Variants in AK5 observed in about 807,000 individuals in gnomAD.
The protein encoded by AK5 is adenylate kinase 5.
Under a neutral mutation model 69.5 loss-of-function variants are expected in AK5, and 27 were observed. The ratio of observed to expected loss-of-function variants is 0.39; its 90% CI spans 0.29 to 0.54. The LOEUF (loss-of-function observed/expected upper bound fraction) is 0.54, where lower values mean the gene tolerates loss of function less well. AK5 is among the 20% of genes least tolerant of loss of function. The probability of loss-of-function intolerance (pLI) is 0.71; values close to 1 mark genes in which losing one functional copy is unlikely to be tolerated. For synonymous variants in AK5, 260 were observed against 244.4 expected (o/e 1.06, Z -0.60); for missense variants, 531 against 700.4 (o/e 0.76, Z 2.73).
At chr1:77,410,668 T>C (rs4949802) in intron 6 of AK5, among the ~76,000 whole-genome samples, 34,175 of 152,050 alleles carry the variant, frequency 0.22, 4,076 homozygotes, top group East Asian at 0.38. Flanking sequence ...TTTTTCAAAT[T>C]AGAAAAATGA....
chr1:77,451,653 A>G (rs1331029793), intron 8 of AK5, among the ~76,000 whole-genome samples: 2 of 152,238 alleles, frequency 1.3e-5, no homozygotes, highest in Non-Finnish European at 2.9e-5. Context: ...CTTAATAAAT[A>G]ATCTTGAATG....
rs753916010 is a variant in AK5, at chr1:77,391,495, G to GTA, written c.892-19454_892-19453dup. ...TATGTGTGTGTGTATGTGTGTGTGT[G>GTA]TATATATATATATATATATATATAT... On this transcript the variant is annotated intron_variant, in intron 6 of 13. Transcript: ENST00000354567. Among the ~76,000 whole-genome samples, 12 of 63,416 alleles carry GTA rather than the reference G, an allele frequency of 1.9e-4. 1 individual carries two copies. Among genetic ancestry groups the GTA allele is most frequent in the South Asian group, 6.2e-4 (1 of 1,624 alleles). 41.6% of individuals were successfully genotyped at this position (63,416 alleles called of 152,430 possible). A position where few individuals can be genotyped will look rare whatever the true frequency, so the allele number is the denominator to read the frequency against.
intron 10 of AK5, among the ~76,000 whole-genome samples, chr1:77,490,782 C>CTTT (rs374394627): frequency 7.1e-6 from 1 of 139,950 alleles, no homozygotes; most frequent in Non-Finnish European, 1.6e-5. Context: ...TTCCTTTTTT[C>CTTT]TTTTTTTTTT....
chr1:77,410,388 G>A (rs996339808), intron 6 of AK5, among the ~76,000 whole-genome samples: 5 of 151,682 alleles, frequency 3.3e-5, no homozygotes, highest in African/African-American at 4.8e-5. Context: ...AGTGATTCTC[G>A]TGCCTCAGCC....
At chr1:77,501,464 C>T (rs1423965317) in intron 10 of AK5, among the ~76,000 whole-genome samples, 5 of 152,228 alleles carry the variant, frequency 3.3e-5, no homozygotes, top group Admixed American at 1.3e-4. Context: ...GCCTACTATG[C>T]GCCTAGGCTA....
Position 77,340,263 on chromosome 1 carries a change from T to C in AK5, c.700-114T>C, listed in dbSNP as rs190867477. 1,311 of 1,055,420 alleles carry C rather than the reference T, an allele frequency of 1.2e-3. 8 individuals are homozygous for C. Among genetic ancestry groups the C allele is most frequent in the East Asian group, 5.3e-3 (220 of 41,586 alleles). 65.4% of individuals were successfully genotyped at this position (1,055,420 alleles called of 1,614,324 possible). On this transcript the variant is annotated intron_variant, in intron 5 of 13. Transcript: ENST00000354567. Reference sequence around the variant, plus strand: ...CCCTGGAAATACACTGTCAAAAACATAGAGGGCCAAATATATGGCAGCCTC... The same window carrying C: ...CCCTGGAAATACACTGTCAAAAACACAGAGGGCCAAATATATGGCAGCCTC...
At chr1:77,480,026 C>T (rs921470309) in intron 8 of AK5, among the ~76,000 whole-genome samples, 1 of 152,220 alleles carries the variant, frequency 6.6e-6, no homozygotes, top group Admixed American at 6.5e-5. Context: ...ATGCAGAACA[C>T]ACCCAACATT....
At chr1:77,494,173 A>T (rs942312191) in intron 10 of AK5, among the ~76,000 whole-genome samples, 1 of 152,204 alleles carries the variant, frequency 6.6e-6, no homozygotes. Flanking sequence ...GTCCCTACCC[A>T]TTGGTTGAAA....
chr1:77,459,339 G>A lies in AK5; in HGVS notation c.1060-23978G>A, dbSNP rs182619383. Among the ~76,000 whole-genome samples, 440 of 152,226 alleles carry A rather than the reference G, an allele frequency of 2.9e-3. 3 individuals carry two copies. The highest frequency in any genetic ancestry group is 6.8e-3 in the Middle Eastern group (2 of 294). Reference sequence around the variant, plus strand: ...TCTCCAGCCTGTAACAGTTTTCCAAGCATTCTTTACGTCCCCTGCTGCAGC... The same window carrying A: ...TCTCCAGCCTGTAACAGTTTTCCAAACATTCTTTACGTCCCCTGCTGCAGC... On this transcript the variant is annotated intron_variant, in intron 8 of 13. Transcript: ENST00000354567.
intron 5 of AK5, among the ~76,000 whole-genome samples, chr1:77,316,112 A>G (rs767618713): frequency 1.3e-5 from 2 of 152,086 alleles, no homozygotes; most frequent in Non-Finnish European, 2.9e-5. Flanking sequence ...TCATGATGGG[A>G]AGGGACTTTA....
intron 5 of AK5, among the ~76,000 whole-genome samples, chr1:77,324,047 G>A (rs1234540954): frequency 6.6e-6 from 1 of 152,176 alleles, no homozygotes; most frequent in African/African-American, 2.4e-5. Flanking sequence ...AGACTCAAAA[G>A]TCTGGGTTCA....
chr1:77,364,420 T>C (rs1377737), intron 6 of AK5, among the ~76,000 whole-genome samples: 17,527 of 152,198 alleles, frequency 0.12, 1,115 homozygotes, highest in Middle Eastern at 0.14. Flanking sequence ...TTGTATGATA[T>C]GCTATTGTTA....
At chr1:77,467,315 T>A (rs531642053) in intron 8 of AK5, among the ~76,000 whole-genome samples, 1 of 152,356 alleles carries the variant, frequency 6.6e-6, no homozygotes, top group Admixed American at 6.5e-5. Flanking sequence ...CATGGGTTTC[T>A]GTGAACAGAC....
intron 6 of AK5, among the ~76,000 whole-genome samples, chr1:77,368,653 G>T (rs762213013): frequency 2.6e-5 from 4 of 151,992 alleles, no homozygotes; most frequent in African/African-American, 7.2e-5. Context: ...AATGTGTTCC[G>T]TGTAGCTAAG....
At chr1:77,494,252 T>C (rs1404635724) in intron 10 of AK5, among the ~76,000 whole-genome samples, 2 of 152,232 alleles carry the variant, frequency 1.3e-5, no homozygotes, top group Admixed American at 1.3e-4. Flanking sequence ...GCCTGTTCAC[T>C]AAAGGCTAAG....
intron 10 of AK5, among the ~76,000 whole-genome samples, chr1:77,492,367 C>T (rs1187803135): frequency 2.6e-5 from 4 of 152,264 alleles, no homozygotes; most frequent in African/African-American, 9.6e-5. Flanking sequence ...ACACTGCTGC[C>T]GTGCACCACA....
At chr1:77,519,223 T>C (rs555795698) in intron 11 of AK5, among the ~76,000 whole-genome samples, 1 of 152,266 alleles carries the variant, frequency 6.6e-6, no homozygotes, top group South Asian at 2.1e-4. Context: ...ATGGTAGGGA[T>C]ATCAAGAAAT....
chr1:77,346,227 C>T (rs566835795), intron 6 of AK5: 9 of 152,170 alleles, frequency 5.9e-5, no homozygotes, highest in Non-Finnish European at 1.0e-4. Context: ...AAACCCCTGT[C>T]GTGAAGGATC....
intron 8 of AK5, among the ~76,000 whole-genome samples, chr1:77,442,931 T>A (rs1230711671): frequency 2.0e-5 from 3 of 152,164 alleles, no homozygotes; most frequent in Non-Finnish European, 2.9e-5. Flanking sequence ...AGAATTTTTT[T>A]ATTGTTTTAT....
Sources: allele counts gnomAD v4.1 joint callset (sites outside exome capture counted in the v4.1 genomes callset), GRCh38; gene constraint gnomAD v4.1.1; transcripts MANE v1.5; gene names NCBI Gene and HGNC (gene_info 2026-07-23, HGNC 2026-07-21).